The following THNSL1 variants were observed in gnomAD, a reference collection of about 807,000 sequenced individuals.
THNSL1 encodes threonine synthase like 1.
In THNSL1, 48 loss-of-function variants were observed where a neutral mutation model predicts 50.4. That is an observed-to-expected ratio of 0.95 (90% CI 0.76 to 1.21). The LOEUF (loss-of-function observed/expected upper bound fraction) is 1.21. THNSL1 is among the 50% of genes most tolerant of loss of function. The pLI, the probability that THNSL1 is intolerant of heterozygous loss-of-function variation, is 0.00. For synonymous variants in THNSL1, 309 were observed against 306.1 expected (o/e 1.01, Z -0.10); for missense variants, 896 against 871.7 (o/e 1.03, Z -0.35).
the THNSL1 span, among the ~76,000 whole-genome samples, chr10:24,973,771 T>C: frequency 1.3e-5 from 2 of 152,322 alleles, no homozygotes; most frequent in South Asian, 4.1e-4. Flanking sequence ...TTTTTTCTTT[T>C]GAGACAGAGT....
chr10:24,984,295 T>TA, the THNSL1 span: 1 of 1,515,154 alleles, frequency 6.6e-7, no homozygotes, highest in African/African-American at 1.4e-5. Context: ...GGAGACAGTT[T>TA]AGAGTAGCAA....
chr10:24,993,976 G>A, the THNSL1 span, among the ~76,000 whole-genome samples: 1 of 152,098 alleles, frequency 6.6e-6, no homozygotes, highest in Non-Finnish European at 1.5e-5. Context: ...TATCCTGTGG[G>A]ACAACGACTA....
At chr10:24,973,029 A>C in the THNSL1 span, among the ~76,000 whole-genome samples, 1 of 152,242 alleles carries the variant, frequency 6.6e-6, no homozygotes, top group East Asian at 1.9e-4. Flanking sequence ...ATAAAATAGA[A>C]CAATTAAAAC....
the THNSL1 span, among the ~76,000 whole-genome samples, chr10:24,998,942 G>A: frequency 6.6e-6 from 1 of 152,150 alleles, no homozygotes; most frequent in Non-Finnish European, 1.5e-5. Context: ...AGTCTTAAAG[G>A]TCTGGGAGAG....
At chr10:24,958,077 C>T in the THNSL1 span, among the ~76,000 whole-genome samples, 64,870 of 151,928 alleles carry the variant, frequency 0.43, 14,167 homozygotes, top group African/African-American at 0.53. Flanking sequence ...GTTCCTAGCC[C>T]GTCACTCAGT....
chr10:25,008,112 G>C, the THNSL1 span, among the ~76,000 whole-genome samples: 1 of 151,650 alleles, frequency 6.6e-6, no homozygotes, highest in Non-Finnish European at 1.5e-5. Context: ...CTAGCCAGAT[G>C]AAAAATACAT....
the THNSL1 span, chr10:24,999,487 A>C: frequency 6.2e-7 from 1 of 1,613,130 alleles, no homozygotes; most frequent in East Asian, 2.2e-5. Context: ...CATAGTTTTC[A>C]TTGCAGTTTT....
chr10:25,009,599 G>A, the THNSL1 span, among the ~76,000 whole-genome samples: 1 of 152,130 alleles, frequency 6.6e-6, no homozygotes, highest in East Asian at 1.9e-4. Flanking sequence ...TAGTAGCCTA[G>A]CAAAGTACTT....
At chr10:24,976,002 C>A in the THNSL1 span, among the ~76,000 whole-genome samples, 1 of 152,174 alleles carries the variant, frequency 6.6e-6, no homozygotes, top group Non-Finnish European at 1.5e-5. Flanking sequence ...AAGCTGTTGA[C>A]CTTGTTATTC....
At chr10:24,977,385 A>G in the THNSL1 span, among the ~76,000 whole-genome samples, 3 of 152,238 alleles carry the variant, frequency 2.0e-5, no homozygotes, top group South Asian at 6.2e-4. Context: ...TGAGTAAATT[A>G]TACATTTTAG....
the THNSL1 span, among the ~76,000 whole-genome samples, chr10:24,988,438 T>C: frequency 6.8e-6 from 1 of 146,214 alleles, no homozygotes; most frequent in Non-Finnish European, 1.5e-5. Flanking sequence ...AATTTATTTT[T>C]TATATTGTAC....
chr10:24,965,887 C>A, the THNSL1 span, among the ~76,000 whole-genome samples: 1 of 152,174 alleles, frequency 6.6e-6, no homozygotes, highest in African/African-American at 2.4e-5. Context: ...CACACAACCA[C>A]CTGAAACCTG....
chr10:25,022,536 C>T (rs576854939), intron 2 of THNSL1, among the ~76,000 whole-genome samples: 7 of 152,224 alleles, frequency 4.6e-5, no homozygotes, highest in African/African-American at 9.6e-5. Flanking sequence ...TCTTAATATG[C>T]GTGTAAAAGG....
chr10:25,020,890 A>G (rs1393303035), intron 1 of THNSL1, among the ~76,000 whole-genome samples: 2 of 152,212 alleles, frequency 1.3e-5, no homozygotes, highest in African/African-American at 4.8e-5. Flanking sequence ...ATAGGAGGTT[A>G]ATCAGACTGT....
chr10:24,958,848 C>A, the THNSL1 span, among the ~76,000 whole-genome samples: 1 of 152,134 alleles, frequency 6.6e-6, no homozygotes, highest in African/African-American at 2.4e-5. Flanking sequence ...CCCTTCTGAC[C>A]GGAACAGGAA....
the THNSL1 span, among the ~76,000 whole-genome samples, chr10:25,009,153 G>C: frequency 1.2e-4 from 19 of 152,060 alleles, no homozygotes; most frequent in Non-Finnish European, 2.8e-4. Flanking sequence ...TATACCTAAC[G>C]TAAATGATGA....
the THNSL1 span, among the ~76,000 whole-genome samples, chr10:24,979,454 G>A: frequency 0.046 from 6,962 of 152,246 alleles, 482 homozygotes; most frequent in African/African-American, 0.15. Flanking sequence ...CATTCCCATT[G>A]TCAAGGATCT....
rs145306797 is a variant in THNSL1 at position 25,025,118 on chromosome 10, A to G, written c.1895A>G (p.Tyr632Cys). ...TGCCTAGCAGCTATTAACTCCACCTATAATACTTCAGGGTATATTTTGGAT... is the reference window on the plus strand; with the variant it reads ...TGCCTAGCAGCTATTAACTCCACCTGTAATACTTCAGGGTATATTTTGGAT... ...GECLAAINST[Y>C]NTSGYILDPH... Residue 632 changes from tyrosine to cysteine, a missense_variant, in exon 3 of 3, where the codon TAT becomes TGT. Physicochemically the swap from Tyr to Cys is radical, Grantham distance 194. Transcript: ENST00000376356. 220 of 1,613,994 alleles carry G rather than the reference A, an allele frequency of 1.4e-4. 1 individual carries two copies. The highest frequency in any genetic ancestry group is 2.1e-4 in the South Asian group (19 of 91,086).
chr10:24,961,831 T>G, the THNSL1 span, among the ~76,000 whole-genome samples: 1 of 152,216 alleles, frequency 6.6e-6, no homozygotes, highest in Non-Finnish European at 1.5e-5. Context: ...TCAGGCAGAC[T>G]CAGCTTTAAA....
Sources: gnomAD v4.1 joint callset for allele counts (sites outside exome capture counted in the v4.1 genomes callset) on GRCh38, gnomAD v4.1.1 for gene constraint, MANE v1.5 for transcripts, NCBI Gene and HGNC (gene_info 2026-07-23, HGNC 2026-07-21) for gene names.